The following WDR33 variants were observed in gnomAD, a reference collection of about 807,000 sequenced individuals.
WDR33 encodes pre-mRNA 3' end processing protein WDR33.
WDR33 carries 47 observed loss-of-function variants against 164.9 expected under a neutral mutation model. That is an observed-to-expected ratio of 0.29 (90% CI 0.23 to 0.36). WDR33 has a LOEUF of 0.36. Ranked by LOEUF, WDR33 falls within the 10% of genes least tolerant of loss-of-function variation. The probability of loss-of-function intolerance (pLI) is 1.00; values close to 1 mark genes in which losing one functional copy is unlikely to be tolerated. For synonymous variants in WDR33, 505 were observed against 589.0 expected (o/e 0.86, Z 2.06); for missense variants, 1,137 against 1,754.1 (o/e 0.65, Z 6.28).
At position 127,715,983 on chromosome 2, in the gene WDR33, G is replaced by T. The variant is rs1473430807; in HGVS notation, c.2869+1172C>A. ...AAAGGGAAAGAGCAAGGATGAGAGG[G>T]AAGGAGGTGGAGACAGACACAGGGC... is the stretch of plus-strand genomic sequence containing the variant. On this transcript the variant is annotated intron_variant, in intron 17 of 21. Transcript: ENST00000322313. 3.3e-5 allele frequency among the ~76,000 whole-genome samples: 5 copies of T among 152,282 alleles called. No homozygotes were observed. In the South Asian group the frequency reaches 8.3e-4, roughly 25 times the overall value.
rs1404300854 is a variant in WDR33 at position 127,701,759 on chromosome 2, G to C, written c.*4564C>G. 1 of 1,421,978 alleles carries C rather than the reference G, an allele frequency of 7.0e-7. No individual in the cohort carries two copies. The highest frequency in any genetic ancestry group is 1.4e-5 in the South Asian group (1 of 72,836). The allele number at this position is 1,421,978 out of a possible 1,614,324, so 88.1% of individuals were successfully genotyped here. ...CGAGCGTGACGCGCGGGCAGCGGCT[G>C]GCGGCGGGCGGCGGGTGCCTGCTGC... On this transcript the variant is annotated 3_prime_UTR_variant, in exon 22 of 22. Transcript: ENST00000322313.
At chr2:127,804,023 C>T (rs1375074090) in intron 1 of WDR33, among the ~76,000 whole-genome samples, 4 of 150,570 alleles carry the variant, frequency 2.7e-5, no homozygotes, top group African/African-American at 7.3e-5. Context: ...TAAAGAGATA[C>T]GAAATATCTA....
chr2:127,771,129 C>T, intron 1 of WDR33, 125 bp from the exon 2 acceptor site: 1 of 735,546 alleles, frequency 1.4e-6, no homozygotes. Context: ...TCCACTTACA[C>T]AATGAACTAC....
Position 127,802,705 on chromosome 2 carries a change from C to A in WDR33, c.-24+8307G>T, listed in dbSNP as rs564080696. On this transcript the variant is annotated intron_variant, in intron 1 of 21. Transcript: ENST00000322313. ...AAAAAAACTAAATTACGTCTGGGTG[C>A]AGTGGCTCATGCCTTGTAATCCTAG... Among the ~76,000 whole-genome samples the A allele has an allele frequency of 3.3e-5, 5 of 152,208 alleles. No individual in the cohort carries two copies. The South Asian group carries it at 6.2e-4, about 19-fold the overall frequency.
chr2:127,806,671 A>T (rs1411833909), intron 1 of WDR33, among the ~76,000 whole-genome samples: 1 of 152,136 alleles, frequency 6.6e-6, no homozygotes, highest in East Asian at 1.9e-4. Context: ...AGCCAAAAAA[A>T]AATAGAACTA....
Position 127,702,796 on chromosome 2 carries a change from CA to C in WDR33, c.*3526del. On this transcript the variant is annotated 3_prime_UTR_variant, in exon 22 of 22. Coordinates refer to ENST00000322313, the MANE Select transcript of WDR33 (RefSeq NM_018383.5). ...TGAAAGGAAAATTAGTTGTGTATTT[CA>C]CGACGAAAGCGACGGACCAAAAGAA... 6.0e-6 allele frequency: 1 copy of C among 166,986 alleles called. No individual in the cohort carries two copies. The allele number at this position is 166,986 out of a possible 1,614,324, so 10.3% of individuals were successfully genotyped here. A position where few individuals can be genotyped will look rare whatever the true frequency, so the allele number is the denominator to read the frequency against.
intron 1 of WDR33, among the ~76,000 whole-genome samples, chr2:127,810,178 T>C (rs1396061945): frequency 1.3e-5 from 2 of 152,198 alleles, no homozygotes; most frequent in Non-Finnish European, 2.9e-5. Flanking sequence ...TTTGTTCATA[T>C]TCTAATGTCT....
At position 127,764,771 on chromosome 2, in the gene WDR33, G is replaced by C; in HGVS notation, c.626+57C>G. Reference sequence around the variant, plus strand: ...CATCTCTGCACCCAGAATACACTTAGAGAATAATTTAACCATGACAATAGG... The same window carrying C: ...CATCTCTGCACCCAGAATACACTTACAGAATAATTTAACCATGACAATAGG... On this transcript the variant is annotated intron_variant, in intron 6 of 21. Coordinates refer to ENST00000322313, the MANE Select transcript of WDR33 (RefSeq NM_018383.5). This position sits in a 1 kb window ranked among gnomAD's most constrained non-coding sequence, Gnocchi z 6.2. 1 of 1,614,190 alleles carries C rather than the reference G, an allele frequency of 6.2e-7. No homozygotes were observed. Among genetic ancestry groups the C allele is most frequent in the Middle Eastern group, 1.6e-4 (1 of 6,062 alleles).
In WDR33 at chr2:127,719,039, T is replaced by C. The variant is rs1209905356; in HGVS notation, c.2760+226A>G. 6.6e-6 allele frequency among the ~76,000 whole-genome samples: 1 copy of C among 152,066 alleles called. No homozygotes were observed. The highest frequency in any genetic ancestry group is 2.4e-5 in the African/African-American group (1 of 41,394). ...AACTCTATTACCAAAAAAAGAAAAA[T>C]GGTGAGAAGTAAAAATGAATACTGA... On this transcript the variant is annotated intron_variant, in intron 16 of 21. Coordinates refer to ENST00000322313, the MANE Select transcript of WDR33 (RefSeq NM_018383.5). This position sits in a 1 kb window ranked among gnomAD's most constrained non-coding sequence, Gnocchi z 6.5.
chr2:127,757,122 C>T (rs1687544253), intron 7 of WDR33, among the ~76,000 whole-genome samples: 1 of 151,448 alleles, frequency 6.6e-6, no homozygotes, highest in Non-Finnish European at 1.5e-5. Context: ...AAAAGAGTGC[C>T]TGGGAGTGGC....
rs1686135512 is a variant in WDR33 at position 127,710,574 on chromosome 2, T to A, written c.3309-718A>T. Among the ~76,000 whole-genome samples the A allele has an allele frequency of 6.6e-6, 1 of 152,218 alleles. No homozygotes were observed. The highest frequency in any genetic ancestry group is 2.4e-5 in the African/African-American group (1 of 41,456). On this transcript the variant is annotated intron_variant, in intron 18 of 21. Transcript: ENST00000322313. This position sits in a 1 kb window ranked among gnomAD's most constrained non-coding sequence, Gnocchi z 4.4. ...CTAGCTGGCAGTCTGGAGCCCTGCT[T>A]AGTGAACAGCTTCCCCTTCTCTCAG...
chr2:127,748,969 A>C (rs1375106058), intron 7 of WDR33, among the ~76,000 whole-genome samples: 1 of 152,218 alleles, frequency 6.6e-6, no homozygotes. Flanking sequence ...AAAATAAAGC[A>C]AGATTTTCAT....
intron 1 of WDR33, among the ~76,000 whole-genome samples, chr2:127,786,699 A>AT (rs1046622144): frequency 3.3e-5 from 5 of 151,858 alleles, no homozygotes; most frequent in African/African-American, 4.8e-5. Context: ...ATATATATGT[A>AT]TTTTTTTTAA....
intron 7 of WDR33, among the ~76,000 whole-genome samples, chr2:127,742,802 C>A (rs773863778): frequency 6.7e-6 from 1 of 148,822 alleles, no homozygotes; most frequent in Non-Finnish European, 1.5e-5. Flanking sequence ...GATAAGACTG[C>A]AGATGACAGT....
intron 1 of WDR33, among the ~76,000 whole-genome samples, chr2:127,775,322 G>C (rs1204602771): frequency 6.6e-6 from 1 of 152,138 alleles, no homozygotes; most frequent in Non-Finnish European, 1.5e-5. Flanking sequence ...CCAAGTAGCT[G>C]GGACTATAAG....
chr2:127,719,412 A>G lies in WDR33; in HGVS notation c.2613T>C (p.Pro871=). 1 of 1,533,334 alleles carries G rather than the reference A, an allele frequency of 6.5e-7. No individual in the cohort carries two copies. The highest frequency in any genetic ancestry group is 8.7e-7 in the Non-Finnish European group (1 of 1,142,890). The allele number at this position is 1,533,334 out of a possible 1,614,324, so 95.0% of individuals were successfully genotyped here. The change falls in exon 16 of 22, where the codon CCT becomes CCC. Residue 871 remains proline (P), a synonymous_variant. Coordinates refer to ENST00000322313, the MANE Select transcript of WDR33 (RefSeq NM_018383.5). This position sits in a 1 kb window ranked among gnomAD's most constrained non-coding sequence, Gnocchi z 6.5. ...QQGPPQGSLG[P]PPQGGMQGPP... ...GTCCTTGCATGCCACCCTGGGGTGGAGGTCCTAAAGAGCCCTGGGGCGGCC... is the reference window on the plus strand; with the variant it reads ...GTCCTTGCATGCCACCCTGGGGTGGGGGTCCTAAAGAGCCCTGGGGCGGCC...
In WDR33 at chr2:127,702,027, C is replaced by G; in HGVS notation, c.*4296G>C. ...CGCCGCGCTGGGCCTTCGCAGCACGCTGCTCACGGTGCTGGGCGCGGGCGC... is the reference window on the plus strand; with the variant it reads ...CGCCGCGCTGGGCCTTCGCAGCACGGTGCTCACGGTGCTGGGCGCGGGCGC... On this transcript the variant is annotated 3_prime_UTR_variant, in exon 22 of 22. Coordinates refer to ENST00000322313, the MANE Select transcript of WDR33 (RefSeq NM_018383.5). The G allele has an allele frequency of 1.5e-6, 2 of 1,292,852 alleles. No individual in the cohort carries two copies. Among genetic ancestry groups the G allele is most frequent in the Non-Finnish European group, 2.0e-6 (2 of 1,022,700 alleles). 80.1% of individuals were successfully genotyped at this position (1,292,852 alleles called of 1,614,324 possible). A position where few individuals can be genotyped will look rare whatever the true frequency, so the allele number is the denominator to read the frequency against.
At chr2:127,761,821 T>C (rs1687686225) in intron 7 of WDR33, among the ~76,000 whole-genome samples, 1 of 152,210 alleles carries the variant, frequency 6.6e-6, no homozygotes, top group South Asian at 2.1e-4. Context: ...GTGAGTAAAC[T>C]CCCTCAATGT....
At chr2:127,779,971 T>A (rs899974806) in intron 1 of WDR33, among the ~76,000 whole-genome samples, 1 of 149,574 alleles carries the variant, frequency 6.7e-6, no homozygotes, top group African/African-American at 2.5e-5. Flanking sequence ...AAAAGGTTTT[T>A]TTGATTTTTT....
Sources: gnomAD v4.1 joint callset for allele counts (sites outside exome capture counted in the v4.1 genomes callset) on GRCh38, gnomAD v4.1.1 for gene constraint, Gnocchi (gnomAD v3.1) non-coding constraint, MANE v1.5 for transcripts, NCBI Gene and HGNC (gene_info 2026-07-23, HGNC 2026-07-21) for gene names.